GAS2L3: variants seen among roughly 807,000 people sequenced by gnomAD.
GAS2L3 encodes GAS2-like protein 3.
Under a neutral mutation model 37.0 loss-of-function variants are expected in GAS2L3, and 28 were observed. The ratio of observed to expected loss-of-function variants is 0.76; its 90% CI spans 0.56 to 1.04. The LOEUF is 1.04. Among genes scored for constraint, GAS2L3 ranks in the 50% least tolerant of loss-of-function variants. The pLI, the probability that GAS2L3 is intolerant of heterozygous loss-of-function variation, is 0.00. For synonymous variants in GAS2L3, 290 were observed against 296.6 expected (o/e 0.98, Z 0.23); for missense variants, 793 against 817.6 (o/e 0.97, Z 0.37).
In GAS2L3 at chr12:100,594,935, C is replaced by T; in HGVS notation, c.18+13C>T. 1 of 1,249,648 alleles carries T rather than the reference C, an allele frequency of 8.0e-7. No individual in the cohort carries two copies. Among genetic ancestry groups the T allele is most frequent in the Non-Finnish European group, 1.1e-6 (1 of 903,640 alleles). 77.4% of individuals were successfully genotyped at this position (1,249,648 alleles called of 1,614,324 possible). ...GCCTGCAATTCAAGTAAGTTTTTTT[C>T]TTGGAAACAATATTTAAATTATGAG... is the stretch of plus-strand genomic sequence containing the variant. On this transcript the variant is annotated intron_variant, in intron 3 of 9. Coordinates refer to ENST00000547754, the MANE Select transcript of GAS2L3 (RefSeq NM_174942.3).
intron 1 of GAS2L3, chr12:100,579,008 G>A (rs894621730): frequency 2.4e-6 from 2 of 839,350 alleles, no homozygotes; most frequent in Admixed American, 1.8e-5. Context: ...TGACCTCAAA[G>A]TCTATTACTT....
chr12:100,587,193 T>C (rs182821413), intron 1 of GAS2L3, among the ~76,000 whole-genome samples: 190 of 152,120 alleles, frequency 1.2e-3, no homozygotes, highest in African/African-American at 4.3e-3. Context: ...TTCCACAAGA[T>C]AGAGAAAGAA....
rs1324434978 is a variant in GAS2L3, at chr12:100,573,728, C to G, written c.-209C>G. 1 of 155,840 alleles carries G rather than the reference C, an allele frequency of 6.4e-6. No homozygotes were observed. The highest frequency in any genetic ancestry group is 2.4e-5 in the African/African-American group (1 of 41,502). The allele number at this position is 155,840 out of a possible 1,614,324, so 9.7% of individuals were successfully genotyped here. ...GGCGGTTGGTCAGGGGCGTGTTGGC[C>G]CCGCACAGATTGAGCCGAGTTGTCG... is the stretch of plus-strand genomic sequence containing the variant. On this transcript the variant is annotated 5_prime_UTR_variant, in exon 1 of 10. Coordinates refer to ENST00000547754, the MANE Select transcript of GAS2L3 (RefSeq NM_174942.3).
intron 6 of GAS2L3, chr12:100,612,377 A>C (rs1445826450): frequency 2.4e-6 from 1 of 421,744 alleles, no homozygotes; most frequent in Non-Finnish European, 4.2e-6. Context: ...TGAATTCCTA[A>C]ATGAGTTGGC....
intron 5 of GAS2L3, among the ~76,000 whole-genome samples, chr12:100,610,646 T>C (rs980389185): frequency 4.6e-5 from 7 of 152,142 alleles, no homozygotes; most frequent in Non-Finnish European, 8.8e-5. Context: ...AGTGGTTAAC[T>C]CTAGGGAGAG....
chr12:100,577,986 G>T (rs553226309), intron 1 of GAS2L3, among the ~76,000 whole-genome samples: 3 of 152,212 alleles, frequency 2.0e-5, no homozygotes, highest in Non-Finnish European at 4.4e-5. Context: ...TAAGGAGTTT[G>T]GGCTTTATCC....
chr12:100,589,339 C>CAAA (rs57889034), intron 1 of GAS2L3, among the ~76,000 whole-genome samples: 1 of 145,806 alleles, frequency 6.9e-6, no homozygotes, highest in African/African-American at 2.5e-5. Flanking sequence ...ATAATAGCTG[C>CAAA]AAAAAAAAAA....
chr12:100,620,404 T>C (rs1167209944), intron 8 of GAS2L3, among the ~76,000 whole-genome samples: 1 of 152,036 alleles, frequency 6.6e-6, no homozygotes, highest in East Asian at 1.9e-4. Flanking sequence ...TTCAGTATTG[T>C]AATGTAAATT....
At chr12:100,617,967 A>C (rs1956207646) in intron 7 of GAS2L3, among the ~76,000 whole-genome samples, 160 bp downstream of exon 7, 2 of 152,164 alleles carry the variant, frequency 1.3e-5, no homozygotes, top group Admixed American at 6.6e-5. Context: ...TTCTGTTTGC[A>C]TGAGCATATG....
chr12:100,600,541 G>A lies in GAS2L3; in HGVS notation c.178G>A (p.Gly60Ser). 6.2e-7 allele frequency: 1 copy of A among 1,612,678 alleles called. No homozygotes were observed. Among genetic ancestry groups the A allele is most frequent in the Non-Finnish European group, 8.5e-7 (1 of 1,179,254 alleles). Reference sequence around the variant, plus strand: ...AGAAGATCTGTCAATCTGGTTATCTGGTTTATTAGGTGAGGCTTGAAACAA... The same window carrying A: ...AGAAGATCTGTCAATCTGGTTATCTAGTTTATTAGGTGAGGCTTGAAACAA... ...MQEDLSIWLS[G>S]LLGIKVKAEK... Residue 60 changes from glycine to serine, a missense_variant, in exon 4 of 10, where the codon GGT becomes AGT. Transcript: ENST00000547754.
At chr12:100,578,985 G>A (rs1470056194) in intron 1 of GAS2L3, 16 of 883,826 alleles carry the variant, frequency 1.8e-5, no homozygotes, top group Admixed American at 7.1e-5. Flanking sequence ...AAAGGCATCC[G>A]TTACCTCACT....
At position 100,579,043 on chromosome 12, in the gene GAS2L3, G is replaced by A. The variant is rs1322915776; in HGVS notation, c.-152+5258G>A. On this transcript the variant is annotated intron_variant, in intron 1 of 9. Coordinates refer to ENST00000547754, the MANE Select transcript of GAS2L3 (RefSeq NM_174942.3). ...TGCCTCTGAAAGTCATGTATAACCA[G>A]TCTATGGCCATGACCCTCTTTCACA... is the stretch of plus-strand genomic sequence containing the variant. 3 of 762,524 alleles carry A rather than the reference G, an allele frequency of 3.9e-6. No individual in the cohort carries two copies. The East Asian group carries it at 7.8e-5, about 20-fold the overall frequency. The allele number at this position is 762,524 out of a possible 1,614,324, so 47.2% of individuals were successfully genotyped here.
intron 5 of GAS2L3, among the ~76,000 whole-genome samples, chr12:100,602,928 A>G: frequency 6.6e-6 from 1 of 152,120 alleles, no homozygotes; most frequent in Non-Finnish European, 1.5e-5. Context: ...ATTTCACTTA[A>G]CATAATGACC....
At position 100,604,613 on chromosome 12, in the gene GAS2L3, T is replaced by TA. The variant is rs1956034277; in HGVS notation, c.303+2861dup. The stretch of plus-strand genomic sequence containing the variant: ...CTTTCTCTTGTCTAATTACTCTAGC[T>TA]AGGACTTCCAGAACTGTGTTGAATA... On this transcript the variant is annotated intron_variant, in intron 5 of 9. Coordinates refer to ENST00000547754, the MANE Select transcript of GAS2L3 (RefSeq NM_174942.3). Among the ~76,000 whole-genome samples, 3 of 152,008 alleles carry TA rather than the reference T, an allele frequency of 2.0e-5. No individual in the cohort carries two copies. The South Asian group carries it at 6.2e-4, about 32-fold the overall frequency.
intron 5 of GAS2L3, among the ~76,000 whole-genome samples, chr12:100,611,710 G>A (rs1956128735): frequency 2.0e-5 from 3 of 152,070 alleles, no homozygotes. Flanking sequence ...TGCCATCGCT[G>A]ATCTGACAGG....
chr12:100,595,016 ATTGTGCTAGT>A, intron 3 of GAS2L3, 94 bp downstream of exon 3: 1 of 533,544 alleles, frequency 1.9e-6, no homozygotes, highest in African/African-American at 2.0e-5. Context: ...CAGTGTTCTT[ATTGTGCTAGT>A]TTTTTTAAGC....
intron 2 of GAS2L3, among the ~76,000 whole-genome samples, chr12:100,592,940 T>A (rs1387612666): frequency 3.9e-5 from 6 of 152,112 alleles, no homozygotes; most frequent in African/African-American, 1.4e-4. Flanking sequence ...ACTGGTTCAG[T>A]GTAACTGATT....
chr12:100,616,666 C>G (rs772701204), intron 6 of GAS2L3, among the ~76,000 whole-genome samples: 1 of 151,970 alleles, frequency 6.6e-6, no homozygotes, highest in Non-Finnish European at 1.5e-5. Flanking sequence ...CCAGGCTGGT[C>G]TCAAACTCCT....
chr12:100,623,655 C>T lies in GAS2L3; in HGVS notation c.850C>T (p.Gln284Ter), dbSNP rs762377847. 1 of 1,613,798 alleles carries T rather than the reference C, an allele frequency of 6.2e-7. No individual in the cohort carries two copies. Among genetic ancestry groups the T allele is most frequent in the Admixed American group, 1.7e-5 (1 of 59,986 alleles). Reference sequence around the variant, plus strand: ...TAAATATGACCCCTGTCGAATATTACAGTTTGCCACATTAGAACAAAAAAT... The same window carrying T: ...TAAATATGACCCCTGTCGAATATTATAGTTTGCCACATTAGAACAAAAAAT... ...LLKYDPCRIL[Q>*]FATLEQKILA... The change falls in exon 10 of 10, where the codon CAG becomes TAG. Residue 284 changes from glutamine (Q) to a stop codon, truncating the protein, a stop_gained. Transcript: ENST00000547754. LOFTEE classifies it low-confidence loss of function (END_TRUNC).
Sources: allele counts gnomAD v4.1 joint callset (sites outside exome capture counted in the v4.1 genomes callset), GRCh38; gene constraint gnomAD v4.1.1; transcripts MANE v1.5; gene names NCBI Gene and HGNC (gene_info 2026-07-23, HGNC 2026-07-21).